Variants in SEPTIN9 observed in about 807,000 individuals in gnomAD.
SEPTIN9 encodes the protein septin 9.
In SEPTIN9, 13 loss-of-function variants were observed where a neutral mutation model predicts 56.6. That is an observed-to-expected ratio of 0.23 (90% CI 0.15 to 0.37). The LOEUF (loss-of-function observed/expected upper bound fraction) is 0.37. Ranked by LOEUF, SEPTIN9 falls within the 10% of genes least tolerant of loss-of-function variation. The probability of loss-of-function intolerance (pLI) is 1.00; values close to 1 mark genes in which losing one functional copy is unlikely to be tolerated. For synonymous variants in SEPTIN9, 332 were observed against 334.1 expected (o/e 0.99, Z 0.07); for missense variants, 650 against 823.1 (o/e 0.79, Z 2.57).
rs550224485 is a variant in SEPTIN9 at position 77,320,059 on chromosome 17, C to G, written c.76+12862C>G. On this transcript the variant is annotated intron_variant, in intron 2 of 11. Transcript: ENST00000427177. ...CTGCCTCCTATTTTTGGATTTCTCT[C>G]CTTTGCTCCCTTTTTCCTCCCGTTT... 4 of 1,409,620 alleles carry G rather than the reference C, an allele frequency of 2.8e-6. No homozygotes were observed. The South Asian group carries it at 4.7e-5, about 16-fold the overall frequency. 87.3% of individuals were successfully genotyped at this position (1,409,620 alleles called of 1,614,324 possible).
At position 77,286,058 on chromosome 17, in the gene SEPTIN9, C is replaced by T. The variant is rs144170028; in HGVS notation, c.19+4504C>T. The stretch of plus-strand genomic sequence containing the variant: ...GTTCTCGCTGCCTCTTGCCTCCTCA[C>T]GTCCAAGCTTGTCTGCTCTGGCGCA... On this transcript the variant is annotated intron_variant, in intron 1 of 11. Transcript: ENST00000427177. 5.7e-4 allele frequency among the ~76,000 whole-genome samples: 87 copies of T among 152,372 alleles called. 1 individual carries two copies. In the East Asian group the frequency reaches 7.7e-3, roughly 13 times the overall value.
At chr17:77,407,532 C>T (rs1352946122) in intron 3 of SEPTIN9, among the ~76,000 whole-genome samples, 1 of 148,842 alleles carries the variant, frequency 6.7e-6, no homozygotes, top group Non-Finnish European at 1.5e-5. Flanking sequence ...CTGGAGGGCT[C>T]AGTGGGTGGG....
chr17:77,284,456 T>C (rs1232463401), intron 1 of SEPTIN9, among the ~76,000 whole-genome samples: 1 of 151,950 alleles, frequency 6.6e-6, no homozygotes, highest in African/African-American at 2.4e-5. Flanking sequence ...GGGGTGGAGG[T>C]AGTGGTAGTC....
At chr17:77,387,366 C>G (rs1382996614) in intron 2 of SEPTIN9, among the ~76,000 whole-genome samples, 10 of 152,208 alleles carry the variant, frequency 6.6e-5, no homozygotes. Context: ...TTAGAGCCCA[C>G]CCTAAATCCA....
At chr17:77,365,322 TTCTC>T (rs898952121) in intron 2 of SEPTIN9, among the ~76,000 whole-genome samples, 28 of 152,146 alleles carry the variant, frequency 1.8e-4, no homozygotes, top group African/African-American at 6.0e-4. Flanking sequence ...TTCTCTCTCT[TTCTC>T]TCTTTCTTCC....
At chr17:77,460,257 G>A (rs1031273793) in intron 3 of SEPTIN9, among the ~76,000 whole-genome samples, 1 of 152,122 alleles carries the variant, frequency 6.6e-6, no homozygotes, top group African/African-American at 2.4e-5. Context: ...AATGACTCAG[G>A]GATGGGAGGC....
chr17:77,386,937 T>A lies in SEPTIN9; in HGVS notation c.77-15122T>A, dbSNP rs1411757612. ...CACTCAGAGGCCCAGAGGACTCATA[T>A]CACGAGAGAGAAGCTGTGACCACAC... On this transcript the variant is annotated intron_variant, in intron 2 of 11. Transcript: ENST00000427177. 2.0e-5 allele frequency among the ~76,000 whole-genome samples: 3 copies of A among 152,170 alleles called. No individual in the cohort carries two copies. The East Asian group carries it at 5.8e-4, about 29-fold the overall frequency.
intron 2 of SEPTIN9, among the ~76,000 whole-genome samples, chr17:77,355,047 A>G (rs1273774798): frequency 1.3e-5 from 2 of 152,102 alleles, no homozygotes; most frequent in Non-Finnish European, 2.9e-5. Flanking sequence ...CCAGGAAAGG[A>G]TTAGAATGCT....
chr17:77,467,607 G>A (rs2038801770), intron 3 of SEPTIN9, among the ~76,000 whole-genome samples: 1 of 152,222 alleles, frequency 6.6e-6, no homozygotes, highest in Non-Finnish European at 1.5e-5. Flanking sequence ...GCTGTCCCAG[G>A]AAGCCCATCC....
intron 2 of SEPTIN9, among the ~76,000 whole-genome samples, chr17:77,368,723 A>G (rs2034639014): frequency 6.6e-6 from 1 of 152,234 alleles, no homozygotes; most frequent in African/African-American, 2.4e-5. Flanking sequence ...TATGAAGGAA[A>G]AATTAAGCAA....
At chr17:77,417,298 A>G (rs1395854820) in intron 3 of SEPTIN9, among the ~76,000 whole-genome samples, 1 of 152,232 alleles carries the variant, frequency 6.6e-6, no homozygotes, top group Non-Finnish European at 1.5e-5. Context: ...CCAGCAGCCA[A>G]GCTCTGGAGG....
rs543374303 is a variant in SEPTIN9 at position 77,319,299 on chromosome 17, G to A, written c.76+12102G>A. Among the ~76,000 whole-genome samples the A allele has an allele frequency of 4.7e-4, 72 of 152,308 alleles. No individual in the cohort carries two copies. The highest frequency in any genetic ancestry group is 1.7e-3 in the African/African-American group (71 of 41,570). On this transcript the variant is annotated intron_variant, in intron 2 of 11. Coordinates refer to ENST00000427177, the MANE Select transcript of SEPTIN9 (RefSeq NM_001113491.2). The surrounding 1 kb of genome is among the most constrained non-coding windows in gnomAD (Gnocchi z 5.3). Reference sequence around the variant, plus strand: ...CAGCATGGACCCTGACCATGTGCTGGTGGGGACCCCCCAGGTAAGTAAGCA... The same window carrying A: ...CAGCATGGACCCTGACCATGTGCTGATGGGGACCCCCCAGGTAAGTAAGCA...
At chr17:77,374,196 C>T (rs752802594) in intron 2 of SEPTIN9, 1 of 152,528 alleles carries the variant, frequency 6.6e-6, no homozygotes, top group African/African-American at 2.4e-5. Context: ...TGGGGATATC[C>T]TCATCCGCCT....
rs1598433231 is a variant in SEPTIN9 at position 77,475,724 on chromosome 17, A to G, written c.722-6420A>G. 6.2e-7 allele frequency: 1 copy of G among 1,613,362 alleles called. No homozygotes were observed. On this transcript the variant is annotated intron_variant, in intron 3 of 11. Transcript: ENST00000427177. This position sits in a 1 kb window ranked among gnomAD's most constrained non-coding sequence, Gnocchi z 4.6. Reference sequence around the variant, plus strand: ...AGGCAAGGAAGTCTTCGCCGGGGCAAGGGCACCAGCTGTAGATGCCGGCAG... The same window carrying G: ...AGGCAAGGAAGTCTTCGCCGGGGCAGGGGCACCAGCTGTAGATGCCGGCAG...
rs759092731 is a variant in SEPTIN9 at position 77,429,188 on chromosome 17, C to T, written c.721+26485C>T. The T allele has an allele frequency of 2.3e-5, 11 of 471,878 alleles. No individual in the cohort carries two copies. The highest frequency in any genetic ancestry group is 1.2e-4 in the South Asian group (8 of 64,622). 29.2% of individuals were successfully genotyped at this position (471,878 alleles called of 1,614,324 possible). ...CTGAGGCCAAGACCAAGGCTGAGGC[C>T]GAGGCTGAGGCTGAGGCCACCTTGG... On this transcript the variant is annotated intron_variant, in intron 3 of 11. Transcript: ENST00000427177. The surrounding 1 kb of genome is among the most constrained non-coding windows in gnomAD (Gnocchi z 5.2).
intron 1 of SEPTIN9, among the ~76,000 whole-genome samples, chr17:77,302,884 A>G (rs992522495): frequency 3.3e-5 from 5 of 152,090 alleles, no homozygotes; most frequent in African/African-American, 1.2e-4. Flanking sequence ...CACAAGGAAG[A>G]CACTGCACAG....
intron 2 of SEPTIN9, among the ~76,000 whole-genome samples, chr17:77,312,437 T>C (rs1183911686): frequency 6.6e-6 from 1 of 152,240 alleles, no homozygotes; most frequent in East Asian, 1.9e-4. Flanking sequence ...GGGCCCCCCC[T>C]GGATGGGTTG....
chr17:77,309,383 C>CT (rs1199759429), intron 2 of SEPTIN9, among the ~76,000 whole-genome samples: 1 of 152,268 alleles, frequency 6.6e-6, no homozygotes, highest in Non-Finnish European at 1.5e-5. Context: ...CTGTGGGCCT[C>CT]TGTGGGCTCT....
In SEPTIN9 at chr17:77,450,739, G is replaced by A. The variant is rs932596901; in HGVS notation, c.722-31405G>A. ...GGGGCTGGAGAGGCTGGAGAGGCAG[G>A]AGCTGGATCAGATCTGAATCCAGAG... is the stretch of plus-strand genomic sequence containing the variant. On this transcript the variant is annotated intron_variant, in intron 3 of 11. Transcript: ENST00000427177. This position sits in a 1 kb window ranked among gnomAD's most constrained non-coding sequence, Gnocchi z 6.0. 2 of 986,102 alleles carry A rather than the reference G, an allele frequency of 2.0e-6. No homozygotes were observed. Among genetic ancestry groups the A allele is most frequent in the South Asian group, 9.4e-5 (2 of 21,318 alleles). The allele number at this position is 986,102 out of a possible 1,614,324, so 61.1% of individuals were successfully genotyped here.
Sources: gnomAD v4.1 joint callset for allele counts (sites outside exome capture counted in the v4.1 genomes callset) on GRCh38, gnomAD v4.1.1 for gene constraint, Gnocchi (gnomAD v3.1) non-coding constraint, MANE v1.5 for transcripts, NCBI Gene and HGNC (gene_info 2026-07-23, HGNC 2026-07-21) for gene names.